Variants in GABRA2 observed in about 807,000 individuals in gnomAD.
GABRA2 encodes gamma-aminobutyric acid receptor subunit alpha-2.
GABRA2 carries 16 observed loss-of-function variants against 48.7 expected under a neutral mutation model. The observed-to-expected ratio is 0.33, with a 90% confidence interval of 0.22 to 0.50. The LOEUF is 0.50. Among genes scored for constraint, GABRA2 ranks in the 20% least tolerant of loss-of-function variants. GABRA2 has a pLI of 0.98. For missense variants in GABRA2, 275 were observed against 535.6 expected (o/e 0.51, Z 4.80); for synonymous variants, 185 against 184.5 (o/e 1.00, Z -0.02).
chr4:46,367,740 T>C (rs1275225395), intron 3 of GABRA2: 1 of 152,106 alleles, frequency 6.6e-6, no homozygotes, highest in South Asian at 2.1e-4. Context: ...CATCTTGAAA[T>C]GAGATATGAC....
At chr4:46,325,427 G>A (rs765210823) in intron 4 of GABRA2, among the ~76,000 whole-genome samples, 3 of 151,812 alleles carry the variant, frequency 2.0e-5, no homozygotes, top group Non-Finnish European at 4.4e-5. Flanking sequence ...GTTTTAATGA[G>A]ATTGTTTGTT....
rs188016841 is a variant in GABRA2, at chr4:46,245,292, T to A, written c.*5016A>T. Among the ~76,000 whole-genome samples, 107 of 151,472 alleles carry A rather than the reference T, an allele frequency of 7.1e-4. No homozygotes were observed. The highest frequency in any genetic ancestry group is 7.1e-4 in the Non-Finnish European group (48 of 67,500). On this transcript the variant is annotated 3_prime_UTR_variant, in exon 10 of 10. Transcript: ENST00000381620. ...GAAACAAATCAGTAATGAATATACA[T>A]AACTTTGTATTTGTAAATAACCAGA...
chr4:46,331,148 T>G (rs1731283469), intron 4 of GABRA2, among the ~76,000 whole-genome samples: 1 of 152,206 alleles, frequency 6.6e-6, no homozygotes, highest in African/African-American at 2.4e-5. Flanking sequence ...TTTTTTCCTC[T>G]TGTACCAGAA....
chr4:46,278,591 T>G (rs748657384), intron 8 of GABRA2, among the ~76,000 whole-genome samples: 2 of 152,182 alleles, frequency 1.3e-5, no homozygotes, highest in Non-Finnish European at 2.9e-5. Flanking sequence ...ACTTTCTGCC[T>G]ACAAAATTGT....
chr4:46,273,534 TATGA>T (rs1410023902), intron 8 of GABRA2, among the ~76,000 whole-genome samples: 156 of 40,208 alleles, frequency 3.9e-3, no homozygotes, highest in African/African-American at 0.02. Context: ...TATATATATA[TATGA>T]GAGAGAGAGG....
intron 8 of GABRA2, among the ~76,000 whole-genome samples, chr4:46,288,659 G>A (rs1332964380): frequency 6.6e-6 from 1 of 152,156 alleles, no homozygotes; most frequent in Non-Finnish European, 1.5e-5. Context: ...AACAGGCAAA[G>A]AGTTCATGAT....
intron 6 of GABRA2, among the ~76,000 whole-genome samples, chr4:46,308,546 G>T (rs1227817314): frequency 6.6e-6 from 1 of 152,090 alleles, no homozygotes; most frequent in African/African-American, 2.4e-5. Context: ...TATGCATCAA[G>T]CACCTACTAC....
intron 3 of GABRA2, among the ~76,000 whole-genome samples, chr4:46,353,460 A>G (rs1181094587): frequency 6.6e-6 from 1 of 152,092 alleles, no homozygotes; most frequent in Admixed American, 6.6e-5. Context: ...ATGATTTCTC[A>G]TTTTACTCAG....
intron 3 of GABRA2, chr4:46,368,951 C>G (rs772049299): frequency 1.4e-6 from 1 of 697,564 alleles, no homozygotes. Context: ...GTTTGGGTCC[C>G]TTTGTTCTGG....
At chr4:46,382,715 A>G (rs556645521) in intron 3 of GABRA2, among the ~76,000 whole-genome samples, 2 of 152,320 alleles carry the variant, frequency 1.3e-5, no homozygotes, top group African/African-American at 2.4e-5. Context: ...TCAGAATAAA[A>G]TTCTATTATT....
intron 8 of GABRA2, among the ~76,000 whole-genome samples, chr4:46,273,468 C>CATAT (rs10686717): frequency 0.019 from 814 of 43,004 alleles, 21 homozygotes; most frequent in African/African-American, 0.079. Flanking sequence ...CCATTCATTG[C>CATAT]ATATATATAT....
At chr4:46,304,285 T>C (rs1205877971) in intron 7 of GABRA2, among the ~76,000 whole-genome samples, 1 of 152,178 alleles carries the variant, frequency 6.6e-6, no homozygotes, top group African/African-American at 2.4e-5. Flanking sequence ...ACTGATCTTC[T>C]GGCCCACATT....
chr4:46,256,794 C>CAAAA (rs1215774904), intron 9 of GABRA2, among the ~76,000 whole-genome samples: 1 of 151,400 alleles, frequency 6.6e-6, no homozygotes, highest in African/African-American at 2.4e-5. Context: ...GTTATAAATG[C>CAAAA]AAATAAATAA....
intron 2 of GABRA2, among the ~76,000 whole-genome samples, chr4:46,387,779 A>G (rs1578256685): frequency 6.6e-6 from 1 of 152,160 alleles, no homozygotes; most frequent in African/African-American, 2.4e-5. Flanking sequence ...TTAAATAAAA[A>G]GTTAAAAGAG....
intron 8 of GABRA2, among the ~76,000 whole-genome samples, chr4:46,289,917 T>TA (rs1168463433): frequency 6.9e-6 from 1 of 144,660 alleles, no homozygotes; most frequent in Non-Finnish European, 1.5e-5. Context: ...ATTTTTATTT[T>TA]TTTTTTTTTT....
Position 46,335,126 on chromosome 4 carries a change from G to A in GABRA2, c.188-2444C>T, listed in dbSNP as rs565522343. On this transcript the variant is annotated intron_variant, in intron 3 of 9. Coordinates refer to ENST00000381620, the MANE Select transcript of GABRA2 (RefSeq NM_000807.4). ...TTGGTTATATTTTGGCTTTCTATAA[G>A]ACAAGGAAAGGGAAGTGAACAAAGA... 2.0e-5 allele frequency among the ~76,000 whole-genome samples: 3 copies of A among 152,126 alleles called. No individual in the cohort carries two copies. In the South Asian group the frequency reaches 6.2e-4, roughly 32 times the overall value.
At chr4:46,378,556 G>A (rs1196992382) in intron 3 of GABRA2, among the ~76,000 whole-genome samples, 4 of 151,620 alleles carry the variant, frequency 2.6e-5, no homozygotes, top group Admixed American at 6.6e-5. Flanking sequence ...AGGAAAACCA[G>A]AGACCTTTGT....
intron 1 of GABRA2, chr4:46,389,457 A>G (rs1717936968): frequency 1.1e-6 from 1 of 948,236 alleles, no homozygotes; most frequent in South Asian, 4.9e-5. Flanking sequence ...CCAGGCAGGC[A>G]GCGGTAATCA....
At chr4:46,350,072 C>A (rs1734862028) in intron 3 of GABRA2, among the ~76,000 whole-genome samples, 1 of 151,628 alleles carries the variant, frequency 6.6e-6, no homozygotes, top group Admixed American at 6.6e-5. Flanking sequence ...CTTCATGATC[C>A]CCCATGAACT....
Sources: allele counts gnomAD v4.1 joint callset (sites outside exome capture counted in the v4.1 genomes callset), GRCh38; gene constraint gnomAD v4.1.1; transcripts MANE v1.5; gene names NCBI Gene and HGNC (gene_info 2026-07-23, HGNC 2026-07-21).